Variants in ADAMTS19 observed in about 807,000 individuals in gnomAD.
ADAMTS19 encodes the protein ADAM metallopeptidase with thrombospondin type 1 motif 19.
In ADAMTS19, 93 loss-of-function variants were observed where a neutral mutation model predicts 153.3. That is an observed-to-expected ratio of 0.61 (90% CI 0.51 to 0.72). The LOEUF (loss-of-function observed/expected upper bound fraction) is 0.72. Among genes scored for constraint, ADAMTS19 ranks in the 30% least tolerant of loss-of-function variants. The pLI, the probability that ADAMTS19 is intolerant of heterozygous loss-of-function variation, is 0.00. For synonymous variants in ADAMTS19, 600 were observed against 556.6 expected, an observed-to-expected ratio of 1.08 and a Z score of -1.10; for missense variants, 1,482 against 1,552.1, an observed-to-expected ratio of 0.95 and a Z score of 0.76.
In ADAMTS19 at chr5:129,641,881, G is replaced by T; in HGVS notation, c.1793G>T (p.Trp598Leu). 1 of 1,598,902 alleles carries T rather than the reference G, an allele frequency of 6.3e-7. No homozygotes were observed. Among genetic ancestry groups the T allele is most frequent in the East Asian group, 2.2e-5 (1 of 44,484 alleles). ...EMQHVICTGL[W>L]CKVEGEKECR... ...CAGCATGTTATTTGCACAGGATTAT[G>T]GTGCAAGGTAGAAGGTGAGAAAGAA... The change falls in exon 11 of 23, where the codon TGG (tryptophan) becomes TTG (leucine). Residue 598 changes from tryptophan (W) to leucine (L), a missense_variant. Physicochemically the swap from Trp to Leu is moderately conservative, Grantham distance 61. Transcript: ENST00000274487.
intron 2 of ADAMTS19, among the ~76,000 whole-genome samples, chr5:129,464,821 TTTTG>T (rs1302456389): frequency 3.3e-5 from 5 of 152,226 alleles, no homozygotes; most frequent in Admixed American, 6.5e-5. Flanking sequence ...GTGTTATTAT[TTTTG>T]TTTGTTCTGA....
chr5:129,658,847 CA>C, intron 15 of ADAMTS19, 110 bp downstream of exon 15: 2 of 1,166,244 alleles, frequency 1.7e-6, no homozygotes, highest in Non-Finnish European at 2.3e-6. Context: ...TGAAGACTTG[CA>C]ATGGGTATTA....
intron 3 of ADAMTS19, among the ~76,000 whole-genome samples, chr5:129,523,043 A>C (rs1751880742): frequency 6.9e-6 from 1 of 144,868 alleles, no homozygotes; most frequent in Admixed American, 6.8e-5. Flanking sequence ...CGGCAGAGTG[A>C]GACTCCATCT....
At chr5:129,693,468 T>G (rs1275516901) in intron 18 of ADAMTS19, among the ~76,000 whole-genome samples, 1 of 152,168 alleles carries the variant, frequency 6.6e-6, no homozygotes, top group Non-Finnish European at 1.5e-5. Context: ...ACCAGCAGAC[T>G]TGTGATGTCT....
chr5:129,522,332 C>CATATATATATATATAT (rs1209637522), intron 3 of ADAMTS19, among the ~76,000 whole-genome samples: 11 of 58,610 alleles, frequency 1.9e-4, no homozygotes, highest in African/African-American at 3.6e-4. Context: ...CACACACACA[C>CATATATATATATATAT]ATATATATAT....
At chr5:129,576,070 C>G (rs963762745) in intron 7 of ADAMTS19, among the ~76,000 whole-genome samples, 2 of 151,408 alleles carry the variant, frequency 1.3e-5, no homozygotes, top group Non-Finnish European at 2.9e-5. Context: ...GTGGGTGGGT[C>G]TCGGTGGTGT....
intron 17 of ADAMTS19, 103 bp from the exon 18 acceptor site, chr5:129,684,017 C>G: frequency 1.6e-6 from 2 of 1,273,346 alleles, no homozygotes; most frequent in Non-Finnish European, 2.2e-6. Flanking sequence ...AAAATGCACA[C>G]AACACAATGA....
At chr5:129,701,328 C>T (rs546116812) in intron 19 of ADAMTS19, 60 bp from the exon 20 acceptor site, 766 of 1,574,730 alleles carry the variant, frequency 4.9e-4, no homozygotes, top group Non-Finnish European at 3.6e-4. Context: ...TGAGAACAGA[C>T]TAATACAAGT....
intron 15 of ADAMTS19, among the ~76,000 whole-genome samples, chr5:129,663,837 A>G (rs11744022): frequency 0.13 from 19,619 of 152,188 alleles, 1,378 homozygotes; most frequent in African/African-American, 0.2. Flanking sequence ...TCTCTTTAAT[A>G]GAGCCACTCT....
intron 8 of ADAMTS19, among the ~76,000 whole-genome samples, chr5:129,606,738 C>T (rs1581137135): frequency 6.6e-6 from 1 of 152,254 alleles, no homozygotes; most frequent in Middle Eastern, 3.4e-3. Context: ...TGCAAATGAA[C>T]TGTAATTTTC....
intron 2 of ADAMTS19, among the ~76,000 whole-genome samples, chr5:129,504,512 GACC>G (rs1433465000): frequency 6.6e-6 from 1 of 152,004 alleles, no homozygotes; most frequent in East Asian, 1.9e-4. Context: ...TTTTTGTGAT[GACC>G]ACATTTAAAA....
At chr5:129,581,903 T>C (rs1444814563) in intron 7 of ADAMTS19, among the ~76,000 whole-genome samples, 6 of 152,140 alleles carry the variant, frequency 3.9e-5, no homozygotes, top group African/African-American at 1.4e-4. Flanking sequence ...TTCCATGTAG[T>C]TGTGCGGTTT....
chr5:129,727,548 T>G (rs1234458463), intron 21 of ADAMTS19, among the ~76,000 whole-genome samples: 1 of 152,208 alleles, frequency 6.6e-6, no homozygotes, highest in Non-Finnish European at 1.5e-5. Flanking sequence ...AACTTTCAAG[T>G]ATTAAATAGT....
chr5:129,473,419 A>T lies in ADAMTS19; in HGVS notation c.747+11662A>T, dbSNP rs535098806. ...CTTACTGACAGAGGAAATTGTGTAT[A>T]CTTAACATATCTAGGGTGTTTGTGT... On this transcript the variant is annotated intron_variant, in intron 2 of 22. Coordinates refer to ENST00000274487, the MANE Select transcript of ADAMTS19 (RefSeq NM_133638.6). Among the ~76,000 whole-genome samples the T allele has an allele frequency of 1.2e-4, 19 of 152,286 alleles. No homozygotes were observed. The South Asian group carries it at 3.9e-3, about 32-fold the overall frequency.
intron 21 of ADAMTS19, among the ~76,000 whole-genome samples, chr5:129,719,026 T>G (rs944117982): frequency 6.6e-6 from 1 of 152,190 alleles, no homozygotes; most frequent in African/African-American, 2.4e-5. Context: ...GGGTAATCTC[T>G]GTGCTGGCCA....
intron 7 of ADAMTS19, among the ~76,000 whole-genome samples, chr5:129,595,026 A>G (rs1305180266): frequency 6.6e-6 from 1 of 152,162 alleles, no homozygotes; most frequent in Non-Finnish European, 1.5e-5. Context: ...TTGTAAAGAT[A>G]TAAAAAAAAC....
chr5:129,614,989 G>A (rs1164460683), intron 8 of ADAMTS19, among the ~76,000 whole-genome samples: 1 of 152,072 alleles, frequency 6.6e-6, no homozygotes, highest in Non-Finnish European at 1.5e-5. Context: ...GGGACGTGAA[G>A]GACCTCTTCA....
chr5:129,576,350 C>T (rs1260269808), intron 7 of ADAMTS19, among the ~76,000 whole-genome samples: 2 of 151,922 alleles, frequency 1.3e-5, no homozygotes, highest in Admixed American at 6.6e-5. Flanking sequence ...TAGAAGTGAC[C>T]TATGTGTGTA....
intron 19 of ADAMTS19, among the ~76,000 whole-genome samples, chr5:129,696,103 ATTTCCCTAT>A (rs1755539617): frequency 6.6e-6 from 1 of 152,102 alleles, no homozygotes; most frequent in Admixed American, 6.6e-5. Flanking sequence ...GTTAGTCCTG[ATTTCCCTAT>A]TCACACCCCC....
Sources: gnomAD v4.1 joint callset for allele counts (sites outside exome capture counted in the v4.1 genomes callset) on GRCh38, gnomAD v4.1.1 for gene constraint, MANE v1.5 for transcripts, NCBI Gene and HGNC (gene_info 2026-07-23, HGNC 2026-07-21) for gene names.